The following FTCDNL1 variants were observed in gnomAD, a reference collection of about 807,000 sequenced individuals.
FTCDNL1 encodes formiminotransferase N-terminal subdomain-containing protein.
A neutral mutation model predicts 5.9 loss-of-function variants in FTCDNL1; 11 were observed. The observed-to-expected ratio is 1.87, with a 90% confidence interval of 1.18 to 3.10. The LOEUF is 3.10. Among genes scored for constraint, FTCDNL1 ranks in the 30% most tolerant of loss-of-function variants. The pLI is 0.00. For synonymous variants in FTCDNL1, 58 were observed against 24.8 expected (o/e 2.34, Z -3.99); for missense variants, 115 against 65.5 (o/e 1.76, Z -2.61).
At chr2:199,843,047 C>T (rs1476506431) in intron 3 of FTCDNL1, among the ~76,000 whole-genome samples, 1 of 151,836 alleles carries the variant, frequency 6.6e-6, no homozygotes, top group Non-Finnish European at 1.5e-5. Context: ...AAAATAGTAA[C>T]CATGTACAGT....
At chr2:199,686,600 T>A in the FTCDNL1 span, among the ~76,000 whole-genome samples, 1 of 152,162 alleles carries the variant, frequency 6.6e-6, no homozygotes, top group Admixed American at 6.5e-5. Context: ...AATAACAATT[T>A]ATTACCTGTC....
At chr2:199,747,473 G>T in the FTCDNL1 span, among the ~76,000 whole-genome samples, 1 of 152,188 alleles carries the variant, frequency 6.6e-6, no homozygotes, top group Non-Finnish European at 1.5e-5. Context: ...TTTTTGTTTG[G>T]TTTTTCATAT....
the FTCDNL1 span, among the ~76,000 whole-genome samples, chr2:199,735,115 GAAAA>G: frequency 2.9e-4 from 24 of 81,598 alleles, no homozygotes; most frequent in Admixed American, 1.0e-3. Context: ...ACTACCTTTA[GAAAA>G]AAAAAAAAAA....
At chr2:199,831,616 G>T (rs1702375876) in intron 3 of FTCDNL1, among the ~76,000 whole-genome samples, 1 of 152,046 alleles carries the variant, frequency 6.6e-6, no homozygotes, top group Admixed American at 6.6e-5. Flanking sequence ...GGATTTATTG[G>T]TTTATACATG....
chr2:199,782,321 T>C (rs1244247227), intron 3 of FTCDNL1, among the ~76,000 whole-genome samples: 4 of 152,206 alleles, frequency 2.6e-5, no homozygotes, highest in Non-Finnish European at 5.9e-5. Flanking sequence ...TTACATACAA[T>C]AAAATGCACT....
At chr2:199,849,624 T>C (rs2076822543) in intron 1 of FTCDNL1, among the ~76,000 whole-genome samples, 1 of 152,234 alleles carries the variant, frequency 6.6e-6, no homozygotes, top group Non-Finnish European at 1.5e-5. Flanking sequence ...TATTCAATAA[T>C]ATCAAAAATG....
chr2:199,762,550 G>A (rs1457792134), intron 3 of FTCDNL1, among the ~76,000 whole-genome samples: 1 of 152,104 alleles, frequency 6.6e-6, no homozygotes, highest in East Asian at 1.9e-4. Flanking sequence ...CTTGTTCTCT[G>A]CTGTCTCTCC....
chr2:199,832,311 G>T (rs755202235), intron 3 of FTCDNL1, among the ~76,000 whole-genome samples: 8 of 152,122 alleles, frequency 5.3e-5, no homozygotes, highest in Non-Finnish European at 1.0e-4. Context: ...CTTTCTAATA[G>T]CTTCACACAC....
the FTCDNL1 span, among the ~76,000 whole-genome samples, chr2:199,734,987 ACT>A: frequency 1.3e-5 from 2 of 151,484 alleles, no homozygotes; most frequent in African/African-American, 4.9e-5. Flanking sequence ...CAAGACAAAA[ACT>A]CTGTTTGGTC....
intron 3 of FTCDNL1, among the ~76,000 whole-genome samples, chr2:199,787,760 T>C (rs1034386747): frequency 6.6e-6 from 1 of 152,200 alleles, no homozygotes; most frequent in African/African-American, 2.4e-5. Flanking sequence ...ACTTGCAATA[T>C]TTTGACTGTA....
intron 3 of FTCDNL1, among the ~76,000 whole-genome samples, chr2:199,793,373 G>T (rs1363498590): frequency 6.6e-6 from 1 of 152,076 alleles, no homozygotes; most frequent in Non-Finnish European, 1.5e-5. Context: ...AGGAGGGGGG[G>T]CATTACTTGA....
At position 199,785,082 on chromosome 2, in the gene FTCDNL1, G is replaced by A. The variant is rs1251775065; in HGVS notation, c.212-24247C>T. Among the ~76,000 whole-genome samples, 5 of 151,944 alleles carry A rather than the reference G, an allele frequency of 3.3e-5. 1 individual carries two copies. The highest frequency in any genetic ancestry group is 1.9e-4 in the East Asian group (1 of 5,162). Reference sequence around the variant, plus strand: ...GTTAACAAGGTTTGTTGCTCACCCCGTTTGCTCTTTCATCTTCCCTAACTT... The same window carrying A: ...GTTAACAAGGTTTGTTGCTCACCCCATTTGCTCTTTCATCTTCCCTAACTT... On this transcript the variant is annotated intron_variant, in intron 3 of 3. Transcript: ENST00000416668.
the FTCDNL1 span, among the ~76,000 whole-genome samples, chr2:199,679,991 C>G: frequency 6.6e-6 from 1 of 152,122 alleles, no homozygotes; most frequent in Admixed American, 6.6e-5. Context: ...GGTTTTGTTG[C>G]TCACAGTCAC....
In FTCDNL1 at chr2:199,781,928, C is replaced by T. The variant is rs945884021; in HGVS notation, c.212-21093G>A. On this transcript the variant is annotated intron_variant, in intron 3 of 3. Transcript: ENST00000416668. ...CCGAGTAGCTGGGACTACAGGCGCC[C>T]GCCACCACACCTGGCTAATTCCTTT... Among the ~76,000 whole-genome samples the T allele has an allele frequency of 1.3e-4, 20 of 152,138 alleles. 1 individual carries two copies. The highest frequency in any genetic ancestry group is 2.6e-4 in the Admixed American group (4 of 15,294).
chr2:199,673,575 G>A, the FTCDNL1 span, among the ~76,000 whole-genome samples: 1 of 152,128 alleles, frequency 6.6e-6, no homozygotes, highest in Admixed American at 6.6e-5. Context: ...AAAACAATTG[G>A]AATACAGAAA....
chr2:199,819,630 A>G lies in FTCDNL1; in HGVS notation c.339T>C (p.Asp113=), dbSNP rs1171788367. Residue 113 remains aspartate, a synonymous_variant, in exon 4 of 5, where the codon GAT becomes GAC. Coordinates refer to ENST00000420128, the MANE Select transcript of FTCDNL1 (RefSeq NM_001363886.2). ...CCAGGTCAGGCTGAAGAGCACTGAA[A>G]TCCCTCCTCGTGAACCAGCCCAGCT... ...RKQLGWFTRR[D]FSALQPDLGA... The G allele has an allele frequency of 1.4e-6, 1 of 702,150 alleles. No homozygotes were observed. Among genetic ancestry groups the G allele is most frequent in the Non-Finnish European group, 2.6e-6 (1 of 384,782 alleles). 43.5% of individuals were successfully genotyped at this position (702,150 alleles called of 1,614,324 possible).
At chr2:199,843,971 G>A (rs921123403) in intron 3 of FTCDNL1, among the ~76,000 whole-genome samples, 2 of 151,320 alleles carry the variant, frequency 1.3e-5, no homozygotes, top group African/African-American at 4.9e-5. Flanking sequence ...AAAGTCAAAG[G>A]AAAAAGGGGT....
chr2:199,745,490 A>G, the FTCDNL1 span, among the ~76,000 whole-genome samples: 1 of 152,178 alleles, frequency 6.6e-6, no homozygotes, highest in Non-Finnish European at 1.5e-5. Flanking sequence ...CATTTTCCCA[A>G]TAGAGATGTT....
chr2:199,803,523 GGCAAAATTAT>G (rs762405994), intron 3 of FTCDNL1, among the ~76,000 whole-genome samples: 14 of 152,160 alleles, frequency 9.2e-5, no homozygotes, highest in Non-Finnish European at 1.9e-4. Flanking sequence ...AGGATAGAAT[GGCAAAATTAT>G]GTCTCACTGC....
Sources: gnomAD v4.1 joint callset for allele counts (sites outside exome capture counted in the v4.1 genomes callset) on GRCh38, gnomAD v4.1.1 for gene constraint, MANE v1.5 for transcripts, NCBI Gene and HGNC (gene_info 2026-07-23, HGNC 2026-07-21) for gene names.